TDRD10: variants seen among roughly 807,000 people sequenced by gnomAD.
TDRD10 encodes the protein tudor domain containing 10.
A neutral mutation model predicts 48.0 loss-of-function variants in TDRD10; 40 were observed. That is an observed-to-expected ratio of 0.83 (90% CI 0.65 to 1.09). TDRD10 has a LOEUF of 1.09. TDRD10 is among the 50% of genes least tolerant of loss of function. TDRD10 has a pLI of 0.00. For synonymous variants in TDRD10, 162 were observed against 170.4 expected (o/e 0.95, Z 0.38); for missense variants, 378 against 434.7 (o/e 0.87, Z 1.16).
Position 154,544,502 on chromosome 1 carries a change from G to A in TDRD10, c.782G>A (p.Gly261Glu). 2 of 1,613,924 alleles carry A rather than the reference G, an allele frequency of 1.2e-6. No individual in the cohort carries two copies. The highest frequency in any genetic ancestry group is 4.5e-5 in the East Asian group (2 of 44,890). The change falls in exon 10 of 13, where the codon GGA (glycine) becomes GAA (glutamate). Residue 261 changes from glycine (G) to glutamate (E), a missense_variant. Gly to Glu is a moderately conservative substitution (Grantham distance 98). Transcript: ENST00000368482. ...GCAGAGTACCACCTGGGGGATTATG[G>A]ACACGCCTGGAACAGGTGTGTGCCT... is the stretch of plus-strand genomic sequence containing the variant. The part of the protein sequence containing the change: ...CLAEYHLGDY[G>E]HAWNRCWVLD...
intron 4 of TDRD10, among the ~76,000 whole-genome samples, chr1:154,509,370 T>C (rs1693319560): frequency 6.6e-6 from 1 of 152,224 alleles, no homozygotes; most frequent in African/African-American, 2.4e-5. Context: ...CTGTCAGGCA[T>C]GCTCTAGGAA....
intron 6 of TDRD10, among the ~76,000 whole-genome samples, chr1:154,535,912 A>G (rs1289525055): frequency 6.6e-6 from 1 of 152,216 alleles, no homozygotes; most frequent in Non-Finnish European, 1.5e-5. Flanking sequence ...CAGGCAGTCC[A>G]GGGCAGAGCA....
intron 6 of TDRD10, among the ~76,000 whole-genome samples, chr1:154,523,086 G>A (rs1324060702): frequency 1.3e-5 from 2 of 151,914 alleles, no homozygotes; most frequent in South Asian, 2.1e-4. Context: ...ATATTTTTTC[G>A]ATAGAGACAG....
rs761472846 is a variant in TDRD10 at position 154,520,315 on chromosome 1, G to A, written c.153G>A (p.Leu51=). The change falls in exon 5 of 13, where the codon CTG becomes CTA. Residue 51 remains leucine (L), a synonymous_variant. Transcript: ENST00000368482. The part of the protein sequence containing the change: ...LPLDISKEEI[L]YLLKDFNPLD... Reference sequence around the variant, plus strand: ...CCCTGCTGTTGTAGGAGGAAATTCTGTACCTTCTAAAGGACTTCAACCCTC... The same window carrying A: ...CCCTGCTGTTGTAGGAGGAAATTCTATACCTTCTAAAGGACTTCAACCCTC... 28 of 1,613,054 alleles carry A rather than the reference G, an allele frequency of 1.7e-5. No individual in the cohort carries two copies. Among genetic ancestry groups the A allele is most frequent in the Admixed American group, 1.3e-4 (8 of 60,000 alleles).
rs1695475367 is a variant in TDRD10 at position 154,545,055 on chromosome 1, C to T, written c.952+106C>T. On this transcript the variant is annotated intron_variant, in intron 11 of 12. Coordinates refer to ENST00000368482, the MANE Select transcript of TDRD10 (RefSeq NM_182499.4). ...AGCATAGTGGGCGGCCAAGGTGCTTCAGTCTCTCTTTCCACCCAACCCCAG... is the reference window on the plus strand; with the variant it reads ...AGCATAGTGGGCGGCCAAGGTGCTTTAGTCTCTCTTTCCACCCAACCCCAG... 4 of 1,446,520 alleles carry T rather than the reference C, an allele frequency of 2.8e-6. No homozygotes were observed. The Admixed American group carries it at 8.6e-5, about 31-fold the overall frequency. 89.6% of individuals were successfully genotyped at this position (1,446,520 alleles called of 1,614,324 possible). A position where few individuals can be genotyped will look rare whatever the true frequency, so the allele number is the denominator to read the frequency against.
At chr1:154,528,132 C>T (rs1253741996) in intron 6 of TDRD10, among the ~76,000 whole-genome samples, 1 of 151,796 alleles carries the variant, frequency 6.6e-6, no homozygotes, top group Non-Finnish European at 1.5e-5. Flanking sequence ...GGCTTCATGC[C>T]TGTAATCCCA....
chr1:154,547,306 G>A, intron 11 of TDRD10, 103 bp from the exon 12 acceptor site: 6 of 1,234,240 alleles, frequency 4.9e-6, no homozygotes, highest in East Asian at 2.3e-5. Context: ...CTGGTTGGCG[G>A]CCAGAGCACT....
Position 154,544,110 on chromosome 1 carries a change from GGTAT to G in TDRD10, c.651+2_651+5del. The G allele has an allele frequency of 6.2e-7, 1 of 1,614,164 alleles. No individual in the cohort carries two copies. Reference sequence around the variant, plus strand: ...TTTTCTGGGCTATGCACGTCACTGAGGTATGGACTGGTTGTTGGCCCCCTCAGGC... The same window carrying G: ...TTTTCTGGGCTATGCACGTCACTGAGGGACTGGTTGTTGGCCCCCTCAGGC... On this transcript the variant is annotated splice_donor_variant and splice_donor_region_variant and intron_variant, in intron 9 of 12. Coordinates refer to ENST00000368482, the MANE Select transcript of TDRD10 (RefSeq NM_182499.4). LOFTEE classifies it high-confidence loss of function.
Position 154,544,418 on chromosome 1 carries a change from C to T in TDRD10, c.698C>T (p.Ala233Val). 1 of 1,604,132 alleles carries T rather than the reference C, an allele frequency of 6.2e-7. No individual in the cohort carries two copies. Among genetic ancestry groups the T allele is most frequent in the Non-Finnish European group, 8.5e-7 (1 of 1,175,918 alleles). ...GCTCTGTTTAGCACCCTGGCTCAGG[C>T]GGAGGAGCAGCAGCCCTACCTGGAG... is the stretch of plus-strand genomic sequence containing the variant. Reference protein sequence around the residue: ...MQALFSTLAQAEEQQPYLEGS... With the variant: ...MQALFSTLAQVEEQQPYLEGS... The change falls in exon 10 of 13, where the codon GCG (alanine) becomes GTG (valine). Residue 233 changes from alanine to valine, a missense_variant. This residue lies in a region of TDRD10 where 310 missense variants were observed against 323.6 expected (regional missense o/e 0.96). Transcript: ENST00000368482.
Position 154,511,045 on chromosome 1 carries a change from CA to C in TDRD10, c.141+2577del, listed in dbSNP as rs879549986. ...TGGGAGATAGAGCGAGACCCTGTTTCAAAAAAAAAAAAATTTAAAATATATA... is the reference window on the plus strand; with the variant it reads ...TGGGAGATAGAGCGAGACCCTGTTTCAAAAAAAAAAAATTTAAAATATATA... On this transcript the variant is annotated intron_variant, in intron 4 of 12. Coordinates refer to ENST00000368482, the MANE Select transcript of TDRD10 (RefSeq NM_182499.4). 3.9e-3 allele frequency among the ~76,000 whole-genome samples: 542 copies of C among 137,508 alleles called. 2 individuals are homozygous for C. The highest frequency in any genetic ancestry group is 5.9e-3 in the Non-Finnish European group (373 of 63,104). The allele number at this position is 137,508 out of a possible 152,430, so 90.2% of individuals were successfully genotyped here.
chr1:154,504,411 C>G (rs1045574566), intron 1 of TDRD10, among the ~76,000 whole-genome samples: 1 of 152,152 alleles, frequency 6.6e-6, no homozygotes, highest in East Asian at 1.9e-4. Context: ...TGGGTCATAT[C>G]GTAATTCCCT....
chr1:154,510,715 A>T (rs1693416606), intron 4 of TDRD10, among the ~76,000 whole-genome samples: 1 of 152,166 alleles, frequency 6.6e-6, no homozygotes, highest in African/African-American at 2.4e-5. Context: ...CTTGGGTCAG[A>T]GTTGAAAGAT....
chr1:154,532,574 G>A (rs554400638), intron 6 of TDRD10, among the ~76,000 whole-genome samples: 371 of 152,338 alleles, frequency 2.4e-3, no homozygotes, highest in Non-Finnish European at 3.6e-3. Flanking sequence ...AATGGGCGCC[G>A]AGGCTGAGGA....
At chr1:154,545,158 A>G (rs1427598820) in intron 11 of TDRD10, among the ~76,000 whole-genome samples, 1 of 152,192 alleles carries the variant, frequency 6.6e-6, no homozygotes, top group Non-Finnish European at 1.5e-5. Context: ...CAAGATCCCA[A>G]CAGGGACCTC....
intron 6 of TDRD10, among the ~76,000 whole-genome samples, chr1:154,532,100 C>T (rs1694661520): frequency 1.3e-5 from 2 of 152,220 alleles, no homozygotes; most frequent in African/African-American, 4.8e-5. Flanking sequence ...CACTCCTCAG[C>T]CCTTGGGTGG....
chr1:154,529,542 G>A (rs1316552311), intron 6 of TDRD10, among the ~76,000 whole-genome samples: 1 of 117,268 alleles, frequency 8.5e-6, no homozygotes, highest in Non-Finnish European at 1.8e-5. Context: ...TTTTTTCTGT[G>A]TTCATTTTTT....
chr1:154,539,310 T>G (rs1471254912), intron 6 of TDRD10, among the ~76,000 whole-genome samples: 1 of 152,098 alleles, frequency 6.6e-6, no homozygotes, highest in African/African-American at 2.4e-5. Flanking sequence ...CTTTTCTTTT[T>G]TCTTTTTTTT....
At chr1:154,512,639 C>T (rs575709592) in intron 4 of TDRD10, among the ~76,000 whole-genome samples, 40 of 152,234 alleles carry the variant, frequency 2.6e-4, no homozygotes, top group Admixed American at 7.9e-4. Flanking sequence ...GTACTGCACC[C>T]GGTGACTTTT....
intron 3 of TDRD10, among the ~76,000 whole-genome samples, chr1:154,508,074 G>C (rs928639381): frequency 2.6e-5 from 4 of 152,168 alleles, no homozygotes; most frequent in African/African-American, 9.7e-5. Flanking sequence ...GGGAAGGCAG[G>C]GGTATGCATG....
Sources: gnomAD v4.1 joint callset for allele counts (sites outside exome capture counted in the v4.1 genomes callset) on GRCh38, gnomAD v4.1.1 for gene constraint, gnomAD v4.1.1 regional missense constraint, MANE v1.5 for transcripts, NCBI Gene and HGNC (gene_info 2026-07-23, HGNC 2026-07-21) for gene names.